The following TENM2 variants were observed in gnomAD, a reference collection of about 807,000 sequenced individuals.
The protein encoded by TENM2 is teneurin transmembrane protein 2.
TENM2 carries 52 observed loss-of-function variants against 245.2 expected under a neutral mutation model. The ratio of observed to expected loss-of-function variants is 0.21; its 90% confidence interval spans 0.17 to 0.27. TENM2 has a LOEUF of 0.27. Ranked by LOEUF, TENM2 falls within the 10% of genes least tolerant of loss-of-function variation. The pLI is 1.00. For missense variants in TENM2, 3,046 were observed against 3,666.8 expected (o/e 0.83, Z 4.37); for synonymous variants, 1,363 against 1,438.9 (o/e 0.95, Z 1.19).
chr5:167,482,501 T>C (rs1365210377), intron 2 of TENM2, among the ~76,000 whole-genome samples: 2 of 152,200 alleles, frequency 1.3e-5, no homozygotes, highest in African/African-American at 2.4e-5. Context: ...CAGATTTTTT[T>C]ACAGAATTCT....
intron 12 of TENM2, among the ~76,000 whole-genome samples, chr5:168,159,122 C>A (rs1243227528): frequency 1.3e-5 from 2 of 151,238 alleles, no homozygotes; most frequent in East Asian, 3.9e-4. Flanking sequence ...CCAGCCTGGG[C>A]AACACAGTGA....
intron 17 of TENM2, 132 bp from the exon 20 acceptor site, chr5:168,203,557 C>T (rs1762102014): frequency 2.3e-6 from 2 of 882,032 alleles, no homozygotes; most frequent in Non-Finnish European, 3.2e-6. Context: ...CAGCCTGCCT[C>T]TTTGAGTGAG....
intron 1 of TENM2, among the ~76,000 whole-genome samples, chr5:167,365,384 GA>G (rs34858887): frequency 0.032 from 4,635 of 146,366 alleles, 236 homozygotes; most frequent in African/African-American, 0.11. Context: ...AGAAGGATGA[GA>G]AAAAAAAAAC....
At chr5:168,110,359 A>G (rs1264196995) in intron 9 of TENM2, among the ~76,000 whole-genome samples, 2 of 152,186 alleles carry the variant, frequency 1.3e-5, no homozygotes, top group South Asian at 2.1e-4. Flanking sequence ...GGCTCTGTGC[A>G]CAGCACTTTA....
intron 2 of TENM2, among the ~76,000 whole-genome samples, chr5:167,482,765 G>A (rs1767835424): frequency 6.6e-6 from 1 of 152,278 alleles, no homozygotes; most frequent in South Asian, 2.1e-4. Flanking sequence ...GGAAACACCA[G>A]TAGAACCTCT....
chr5:167,118,222 A>G, the TENM2 span, among the ~76,000 whole-genome samples: 2 of 152,206 alleles, frequency 1.3e-5, no homozygotes, highest in Non-Finnish European at 2.9e-5. Context: ...TTAAAAATGA[A>G]GTTTCTCTTG....
At chr5:167,630,565 A>AG (rs1278896096) in intron 2 of TENM2, among the ~76,000 whole-genome samples, 1 of 152,322 alleles carries the variant, frequency 6.6e-6, no homozygotes, top group South Asian at 2.1e-4. Context: ...GCCGCAAATA[A>AG]GGGGGGAGTT....
At chr5:167,713,084 T>C (rs748268463) in intron 2 of TENM2, among the ~76,000 whole-genome samples, 2 of 152,140 alleles carry the variant, frequency 1.3e-5, no homozygotes, top group African/African-American at 2.4e-5. Flanking sequence ...GTGTATAGTG[T>C]GTATACACAT....
chr5:167,631,297 C>G (rs4472280), intron 2 of TENM2, among the ~76,000 whole-genome samples: 1 of 152,062 alleles, frequency 6.6e-6, no homozygotes, highest in African/African-American at 2.4e-5. Context: ...TATTTCACGG[C>G]AGATGGTCTG....
chr5:167,120,300 A>T, the TENM2 span, among the ~76,000 whole-genome samples: 2 of 152,158 alleles, frequency 1.3e-5, no homozygotes, highest in East Asian at 3.9e-4. Context: ...AAATTAGGAG[A>T]AGGCCAAACT....
chr5:167,962,585 A>G (rs917206341), intron 4 of TENM2, among the ~76,000 whole-genome samples: 6 of 152,198 alleles, frequency 3.9e-5, no homozygotes, highest in Non-Finnish European at 5.9e-5. Context: ...CCCGAGACCC[A>G]GTAATTTATA....
chr5:168,220,173 C>T (rs143180736), intron 23 of TENM2, among the ~76,000 whole-genome samples: 57 of 152,306 alleles, frequency 3.7e-4, no homozygotes, highest in Middle Eastern at 3.4e-3. Flanking sequence ...CCTTGGCTCT[C>T]ATACCGAATT....
chr5:167,065,515 C>A, the TENM2 span, among the ~76,000 whole-genome samples: 3 of 152,068 alleles, frequency 2.0e-5, no homozygotes, highest in Non-Finnish European at 2.9e-5. Flanking sequence ...TGTGTGTGTG[C>A]AGACACACAA....
intron 5 of TENM2, among the ~76,000 whole-genome samples, chr5:167,995,485 A>G (rs1481159122): frequency 6.6e-6 from 1 of 152,188 alleles, no homozygotes; most frequent in Non-Finnish European, 1.5e-5. Flanking sequence ...GAGTGATATA[A>G]TGGGCCAATT....
intron 2 of TENM2, among the ~76,000 whole-genome samples, chr5:167,603,422 C>A (rs1483111792): frequency 1.3e-5 from 2 of 152,160 alleles, no homozygotes; most frequent in Admixed American, 6.5e-5. Flanking sequence ...GTGGCTCACA[C>A]CTGTAATCCC....
intron 12 of TENM2, among the ~76,000 whole-genome samples, chr5:168,140,785 A>AT (rs1362001621): frequency 6.6e-6 from 1 of 152,108 alleles, no homozygotes; most frequent in African/African-American, 2.4e-5. Flanking sequence ...TCTCTTCCTT[A>AT]TGCTGATAAA....
At chr5:168,114,857 A>G (rs988407441) in intron 9 of TENM2, among the ~76,000 whole-genome samples, 1 of 152,164 alleles carries the variant, frequency 6.6e-6, no homozygotes. Flanking sequence ...TATATTTTTC[A>G]CTGAGTAATT....
At chr5:168,009,766 T>C (rs1232047927) in intron 5 of TENM2, among the ~76,000 whole-genome samples, 2 of 152,256 alleles carry the variant, frequency 1.3e-5, no homozygotes, top group African/African-American at 2.4e-5. Flanking sequence ...CTTTGCTTTC[T>C]TTTTATCTTC....
chr5:167,265,205 C>T, the TENM2 span, among the ~76,000 whole-genome samples: 1 of 151,290 alleles, frequency 6.6e-6, no homozygotes, highest in Non-Finnish European at 1.5e-5. Context: ...TAGTGGTGGG[C>T]ACCTGTAGTC....
Sources: gnomAD v4.1 joint callset for allele counts (sites outside exome capture counted in the v4.1 genomes callset) on GRCh38, gnomAD v4.1.1 for gene constraint, MANE v1.5 for transcripts, NCBI Gene and HGNC (gene_info 2026-07-23, HGNC 2026-07-21) for gene names.